The following C12orf76 variants were observed in gnomAD, a reference collection of about 807,000 sequenced individuals.
C12orf76 encodes uncharacterized protein C12orf76.
A neutral mutation model predicts 6.8 loss-of-function variants in C12orf76; 6 were observed. The ratio of observed to expected loss-of-function variants is 0.88; its 90% CI spans 0.48 to 1.73. The LOEUF is 1.73. Ranked by LOEUF, C12orf76 falls within the 40% of genes most tolerant of loss-of-function variation. C12orf76 has a pLI of 0.01. For missense variants in C12orf76, 99 were observed against 98.2 expected (o/e 1.01, Z -0.03); for synonymous variants, 56 against 43.7 (o/e 1.28, Z -1.11).
upstream of C12orf76, among the ~76,000 whole-genome samples, chr12:110,067,894 A>T (rs11064912): frequency 0.3 from 46,015 of 151,594 alleles, 10,148 homozygotes; most frequent in African/African-American, 0.63. Flanking sequence ...TAAGGATTTC[A>T]TGCTACATAG....
At chr12:110,055,064 T>C (rs780668530) in intron 4 of C12orf76, among the ~76,000 whole-genome samples, 1 of 152,192 alleles carries the variant, frequency 6.6e-6, no homozygotes, top group Non-Finnish European at 1.5e-5. Context: ...ATTTGTTAAA[T>C]TGGATGATGG....
chr12:110,043,202 A>T (rs1040483468), intron 1 of C12orf76, among the ~76,000 whole-genome samples: 7 of 152,092 alleles, frequency 4.6e-5, no homozygotes, highest in African/African-American at 1.7e-4. Flanking sequence ...AACAGAAGGG[A>T]GGCAACCAGG....
chr12:110,043,296 G>GA (rs1425688919), intron 1 of C12orf76, among the ~76,000 whole-genome samples: 1 of 151,106 alleles, frequency 6.6e-6, no homozygotes, highest in African/African-American at 2.4e-5. Flanking sequence ...AGACCATGAA[G>GA]AAAACACGGA....
chr12:110,045,310 C>A (rs1398600162), intron 1 of C12orf76, among the ~76,000 whole-genome samples: 1 of 152,130 alleles, frequency 6.6e-6, no homozygotes, highest in South Asian at 2.1e-4. Flanking sequence ...TTAAAACTCT[C>A]GGCTGTGCGC....
At chr12:110,043,129 T>C (rs1157616354) in intron 1 of C12orf76, among the ~76,000 whole-genome samples, 1 of 151,088 alleles carries the variant, frequency 6.6e-6, no homozygotes, top group Non-Finnish European at 1.5e-5. Context: ...GGGAGCATGC[T>C]GCAGGCCCAC....
upstream of C12orf76, among the ~76,000 whole-genome samples, chr12:110,071,045 G>A (rs1035312897): frequency 6.6e-6 from 1 of 152,296 alleles, no homozygotes; most frequent in Middle Eastern, 3.4e-3. Flanking sequence ...AAAGTGCTGG[G>A]ATTACAGGCA....
intron 1 of C12orf76, 147 bp from the exon 2 acceptor site, chr12:110,042,606 G>A (rs1231489910): frequency 1.4e-6 from 1 of 708,204 alleles, no homozygotes; most frequent in Admixed American, 2.0e-5. Context: ...CCTCTCTCCA[G>A]TTGTCTCTAA....
upstream of C12orf76, among the ~76,000 whole-genome samples, chr12:110,071,355 A>C (rs1367468455): frequency 5.3e-5 from 8 of 152,176 alleles, no homozygotes; most frequent in Non-Finnish European, 1.0e-4. Flanking sequence ...GGTTACTCTG[A>C]GGGTCAAAGG....
chr12:110,053,524 C>A (rs775830313), upstream of C12orf76, among the ~76,000 whole-genome samples: 1 of 152,084 alleles, frequency 6.6e-6, no homozygotes, highest in Non-Finnish European at 1.5e-5. Context: ...AAGTTCCCAG[C>A]TGATTCTAAT....
chr12:110,066,556 G>A (rs1255990921), intron 1 of C12orf76, among the ~76,000 whole-genome samples: 1 of 151,726 alleles, frequency 6.6e-6, no homozygotes, highest in East Asian at 1.9e-4. Context: ...GCGTGGTGGC[G>A]CATGCCTGTA....
At chr12:110,056,423 G>C (rs1892667535) in intron 4 of C12orf76, among the ~76,000 whole-genome samples, 1 of 152,144 alleles carries the variant, frequency 6.6e-6, no homozygotes. Context: ...GGGGTGTGAA[G>C]AAGCTGAGGA....
chr12:110,068,304 GA>G (rs1892911856), upstream of C12orf76, among the ~76,000 whole-genome samples: 3 of 146,828 alleles, frequency 2.0e-5, no homozygotes, highest in African/African-American at 7.4e-5. Context: ...AGAAGAAGAA[GA>G]AGAAGAAGAA....
At chr12:110,063,971 A>G (rs1216510224) in intron 2 of C12orf76, among the ~76,000 whole-genome samples, 4 of 152,184 alleles carry the variant, frequency 2.6e-5, no homozygotes, top group African/African-American at 9.6e-5. Context: ...ACTTTTCCCC[A>G]GAGTCTCCAG....
chr12:110,066,383 A>C (rs1235465123), intron 1 of C12orf76, among the ~76,000 whole-genome samples: 7 of 141,792 alleles, frequency 4.9e-5, no homozygotes, highest in African/African-American at 1.6e-4. Flanking sequence ...AAAAAAAAAA[A>C]AAAAAAAAAA....
At chr12:110,061,735 A>C (rs1892776028) in intron 2 of C12orf76, among the ~76,000 whole-genome samples, 1 of 151,288 alleles carries the variant, frequency 6.6e-6, no homozygotes. Flanking sequence ...ATGGGGTTTC[A>C]CCATCTTGGC....
intron 1 of C12orf76, 158 bp from the exon 2 acceptor site, chr12:110,042,617 A>T (rs1892343469): frequency 1.4e-6 from 1 of 705,828 alleles, no homozygotes. Context: ...TTGTCTCTAA[A>T]TATAGTTGGG....
chr12:110,060,554 C>A (rs747268446), intron 2 of C12orf76, among the ~76,000 whole-genome samples: 1 of 152,168 alleles, frequency 6.6e-6, no homozygotes, highest in Non-Finnish European at 1.5e-5. Context: ...GCCTGACTTT[C>A]ATTGGATCTC....
intron 1 of C12orf76, among the ~76,000 whole-genome samples, chr12:110,043,577 G>A (rs1382068532): frequency 1.3e-5 from 2 of 152,142 alleles, no homozygotes; most frequent in Non-Finnish European, 2.9e-5. Flanking sequence ...TGTTTGGCTG[G>A]GTGCGGTGGC....
At chr12:110,072,315 G>A (rs574836306), upstream of C12orf76, among the ~76,000 whole-genome samples, 1 of 151,856 alleles carries the variant, frequency 6.6e-6, no homozygotes, top group Admixed American at 6.6e-5. Context: ...CTACAACATG[G>A]ATGAGCACCG....
Sources: gnomAD v4.1 joint callset for allele counts (sites outside exome capture counted in the v4.1 genomes callset) on GRCh38, gnomAD v4.1.1 for gene constraint, MANE v1.5 for transcripts, NCBI Gene and HGNC (gene_info 2026-07-23, HGNC 2026-07-21) for gene names.